Variants in SLC5A11 observed in about 807,000 individuals in gnomAD.
The protein encoded by SLC5A11 is solute carrier family 5 member 11, also known as sodium/myo-inositol cotransporter 2.
SLC5A11 carries 48 observed loss-of-function variants against 69.8 expected under a neutral mutation model. The ratio of observed to expected loss-of-function variants is 0.69; its 90% CI spans 0.55 to 0.87. The LOEUF is 0.87. Among genes scored for constraint, SLC5A11 ranks in the 40% least tolerant of loss-of-function variants. The pLI is 0.00. For missense variants in SLC5A11, 784 were observed against 866.1 expected (o/e 0.91, Z 1.19); for synonymous variants, 319 against 342.4 (o/e 0.93, Z 0.75).
At chr16:24,889,076 C>T (rs929889947) in intron 8 of SLC5A11, among the ~76,000 whole-genome samples, 1 of 151,786 alleles carries the variant, frequency 6.6e-6, no homozygotes, top group African/African-American at 2.4e-5. Context: ...GGATTACAGG[C>T]GTGAGCCACC....
chr16:24,856,316 A>G (rs1181878661), intron 1 of SLC5A11, among the ~76,000 whole-genome samples: 3 of 152,162 alleles, frequency 2.0e-5, no homozygotes, highest in Non-Finnish European at 2.9e-5. Context: ...GCATAAAATG[A>G]AAAGTGTTGG....
chr16:24,893,193 C>A (rs2048932207), intron 9 of SLC5A11, among the ~76,000 whole-genome samples: 1 of 149,928 alleles, frequency 6.7e-6, no homozygotes, highest in Non-Finnish European at 1.5e-5. Flanking sequence ...GAGGCTGAGG[C>A]AAGAGAATCA....
intron 9 of SLC5A11, among the ~76,000 whole-genome samples, chr16:24,893,485 C>T (rs1162909801): frequency 6.6e-6 from 1 of 152,018 alleles, no homozygotes; most frequent in Non-Finnish European, 1.5e-5. Context: ...AGGTATTCCC[C>T]CAAGACCATC....
At chr16:24,860,148 G>A (rs1475118951) in intron 2 of SLC5A11, among the ~76,000 whole-genome samples, 1 of 152,180 alleles carries the variant, frequency 6.6e-6, no homozygotes, top group Non-Finnish European at 1.5e-5. Context: ...TTAGCCAGGT[G>A]TGGTGGCGGG....
chr16:24,899,666 T>C (rs2049438023), intron 10 of SLC5A11, among the ~76,000 whole-genome samples: 1 of 151,986 alleles, frequency 6.6e-6, no homozygotes, highest in Non-Finnish European at 1.5e-5. Flanking sequence ...CCTCCCAAAG[T>C]GTTGGGATTA....
At chr16:24,904,950 C>T (rs1052134970) in intron 10 of SLC5A11, among the ~76,000 whole-genome samples, 5 of 151,908 alleles carry the variant, frequency 3.3e-5, no homozygotes, top group African/African-American at 4.8e-5. Context: ...GCCCTCCACC[C>T]CCCGACAGGC....
At chr16:24,857,849 G>A (rs912378911) in intron 1 of SLC5A11, among the ~76,000 whole-genome samples, 8 of 152,132 alleles carry the variant, frequency 5.3e-5, no homozygotes, top group African/African-American at 1.9e-4. Flanking sequence ...CAGGTTCTGG[G>A]GATTAGAGGT....
At chr16:24,894,987 T>C (rs980235811) in intron 9 of SLC5A11, among the ~76,000 whole-genome samples, 1 of 151,904 alleles carries the variant, frequency 6.6e-6, no homozygotes, top group Non-Finnish European at 1.5e-5. Context: ...TAGCTGGGTG[T>C]GGTGGTGTAT....
intron 10 of SLC5A11, among the ~76,000 whole-genome samples, chr16:24,900,918 TA>T (rs57145899): frequency 0.2 from 23,044 of 116,474 alleles, 2,313 homozygotes; most frequent in African/African-American, 0.33. Context: ...ACCCTATCTC[TA>T]AAAAAAAAAA....
chr16:24,865,850 G>T (rs143510390), intron 3 of SLC5A11, among the ~76,000 whole-genome samples: 1 of 151,604 alleles, frequency 6.6e-6, no homozygotes, highest in African/African-American at 2.4e-5. Context: ...ACTGGTGAAG[G>T]TAACTATGTA....
intron 15 of SLC5A11, 140 bp from the exon 17 acceptor site, chr16:24,911,185 AAGG>A: frequency 1.4e-6 from 1 of 731,692 alleles, no homozygotes; most frequent in South Asian, 1.8e-5. Context: ...AAAAAAAAAA[AAGG>A]GAGATTTCAG....
At chr16:24,872,205 T>C (rs755475391) in exon 5 of SLC5A11, 2 of 1,614,098 alleles carry the variant, frequency 1.2e-6, no homozygotes, top group African/African-American at 2.7e-5. Context: ...CCTACCCATC[T>C]ACATTGCTGG....
chr16:24,886,646 TAGA>T lies in SLC5A11; in HGVS notation c.664+2521_664+2523del, dbSNP rs1340349419. ...AAAATCGATGAACAAGATCTCCAGG[TAGA>T]AGAAGCATTATGAAAAAAATGTGAA... On this transcript the variant is annotated intron_variant, in intron 8 of 15. Coordinates refer to ENST00000347898, the Ensembl canonical transcript of SLC5A11. 3.3e-5 allele frequency among the ~76,000 whole-genome samples: 5 copies of T among 152,280 alleles called. No homozygotes were observed. The East Asian group carries it at 9.6e-4, about 29-fold the overall frequency.
chr16:24,871,532 C>G (rs1304117653), intron 4 of SLC5A11, among the ~76,000 whole-genome samples: 2 of 152,074 alleles, frequency 1.3e-5, no homozygotes, highest in Non-Finnish European at 2.9e-5. Context: ...TTCTGCCTGC[C>G]AAAGTGCTGG....
At chr16:24,892,154 G>C (rs1276344563) in intron 9 of SLC5A11, among the ~76,000 whole-genome samples, 1 of 151,942 alleles carries the variant, frequency 6.6e-6, no homozygotes, top group African/African-American at 2.4e-5. Flanking sequence ...TGGAACCCAG[G>C]AGGTCAAAGC....
chr16:24,891,124 T>TTAGGGTGGCTGAA, intron 9 of SLC5A11, 50 bp downstream of exon 10: 1 of 1,577,910 alleles, frequency 6.3e-7, no homozygotes, highest in Non-Finnish European at 8.7e-7. Flanking sequence ...GCTTCTTTCC[T>TTAGGGTGGCTGAA]TAGGGTGGCT....
rs193113117 is a variant in SLC5A11 at position 24,880,981 on chromosome 16, A to T, written c.584-3070A>T. On this transcript the variant is annotated intron_variant, in intron 7 of 15. Coordinates refer to ENST00000347898, the Ensembl canonical transcript of SLC5A11. The stretch of plus-strand genomic sequence containing the variant: ...GACTTTGGGAGGCCAAGGCAGGAGG[A>T]TCAACTGAGGTCTGGAGTTCGAGAC... 1.1e-4 allele frequency among the ~76,000 whole-genome samples: 16 copies of T among 152,060 alleles called. No individual in the cohort carries two copies. In the East Asian group the frequency reaches 3.1e-3, roughly 30 times the overall value.
intron 9 of SLC5A11, among the ~76,000 whole-genome samples, chr16:24,896,942 C>CTTTT (rs869210839): frequency 2.5e-4 from 24 of 97,094 alleles, no homozygotes; most frequent in African/African-American, 4.0e-4. Context: ...AACCTCCTTC[C>CTTTT]TTTTTTTTTT....
At position 24,908,595 on chromosome 16, in the gene SLC5A11, C is replaced by CAAA. The variant is rs764700253; in HGVS notation, c.1435-267_1435-265dup. 7.3e-3 allele frequency among the ~76,000 whole-genome samples: 514 copies of CAAA among 69,966 alleles called. 15 individuals carry two copies. The highest frequency in any genetic ancestry group is 0.011 in the African/African-American group (200 of 17,478). 45.9% of individuals were successfully genotyped at this position (69,966 alleles called of 152,430 possible). A position where few individuals can be genotyped will look rare whatever the true frequency, so the allele number is the denominator to read the frequency against. On this transcript the variant is annotated intron_variant, in intron 13 of 15. Coordinates refer to ENST00000347898, the Ensembl canonical transcript of SLC5A11. ...CCTGGGCGACAGAGTGAGACTGTCT[C>CAAA]AAAAAAAAAAAAAAAAAAAAAGCAA... is the stretch of plus-strand genomic sequence containing the variant.
Sources: allele counts gnomAD v4.1 joint callset (sites outside exome capture counted in the v4.1 genomes callset), GRCh38; gene constraint gnomAD v4.1.1; transcripts MANE v1.5; gene names NCBI Gene and HGNC (gene_info 2026-07-23, HGNC 2026-07-21).